The following FAM83B variants were observed in gnomAD, a reference collection of about 807,000 sequenced individuals.
The protein encoded by FAM83B is protein FAM83B.
A neutral mutation model predicts 38.8 loss-of-function variants in FAM83B; 26 were observed. The ratio of observed to expected loss-of-function variants is 0.67; its 90% CI spans 0.49 to 0.93. The LOEUF is 0.93. Ranked by LOEUF, FAM83B falls within the 40% of genes least tolerant of loss-of-function variation. The pLI, the probability that FAM83B is intolerant of heterozygous loss-of-function variation, is 0.00. For missense variants in FAM83B, 1,237 were observed against 1,197.3 expected (o/e 1.03, Z -0.49); for synonymous variants, 419 against 423.1 (o/e 0.99, Z 0.12).
At chr6:54,889,416 C>T (rs1047307380) in intron 2 of FAM83B, among the ~76,000 whole-genome samples, 1 of 152,030 alleles carries the variant, frequency 6.6e-6, no homozygotes, top group African/African-American at 2.4e-5. Flanking sequence ...AAGCTACATA[C>T]GATAAATCCC....
intron 1 of FAM83B, among the ~76,000 whole-genome samples, chr6:54,867,764 G>T (rs956932279): frequency 1.3e-5 from 2 of 152,052 alleles, no homozygotes; most frequent in Non-Finnish European, 2.9e-5. Context: ...GTGTAGCTCA[G>T]AAATAGGTAG....
At chr6:54,917,710 CAATT>C (rs1247244298) in intron 2 of FAM83B, among the ~76,000 whole-genome samples, 1 of 151,870 alleles carries the variant, frequency 6.6e-6, no homozygotes. Flanking sequence ...TGAAAATGAC[CAATT>C]ACACATTCGG....
chr6:54,939,698 T>C lies in FAM83B; in HGVS notation c.735-8T>C. The C allele has an allele frequency of 6.4e-7, 1 of 1,551,050 alleles. No homozygotes were observed. Among genetic ancestry groups the C allele is most frequent in the South Asian group, 1.2e-5 (1 of 81,300 alleles). On this transcript the variant is annotated splice_region_variant and splice_polypyrimidine_tract_variant and intron_variant, in intron 4 of 4. Coordinates refer to ENST00000306858, the MANE Select transcript of FAM83B (RefSeq NM_001010872.3). ...AAATGATTAAAATTTTTCCATTTTT[T>C]TCCCCAGTTATATGTGGTCATTTGA...
intron 4 of FAM83B, among the ~76,000 whole-genome samples, chr6:54,938,973 C>T (rs1773591653): frequency 6.6e-6 from 1 of 152,054 alleles, no homozygotes; most frequent in Non-Finnish European, 1.5e-5. Context: ...ATGTTATCAT[C>T]TAGAATTGTT....
chr6:54,912,767 G>A (rs1196725978), intron 2 of FAM83B, among the ~76,000 whole-genome samples: 1 of 151,834 alleles, frequency 6.6e-6, no homozygotes, highest in African/African-American at 2.4e-5. Context: ...TACCACCAAA[G>A]GTATGCTGTC....
chr6:54,892,206 C>A (rs900461693), intron 2 of FAM83B, among the ~76,000 whole-genome samples: 1 of 152,174 alleles, frequency 6.6e-6, no homozygotes. Context: ...GAAGCCCTCA[C>A]TTCATCCAAC....
At chr6:54,917,854 A>G (rs2064432) in intron 2 of FAM83B, among the ~76,000 whole-genome samples, 46,833 of 152,006 alleles carry the variant, frequency 0.31, 8,836 homozygotes, top group East Asian at 0.8. Flanking sequence ...TGCCTTACGT[A>G]TCCACCCGAA....
At chr6:54,937,243 T>C (rs1455154554) in intron 4 of FAM83B, among the ~76,000 whole-genome samples, 3 of 151,816 alleles carry the variant, frequency 2.0e-5, no homozygotes, top group Admixed American at 6.6e-5. Flanking sequence ...GTATATTAAA[T>C]CACTAGATTT....
intron 2 of FAM83B, among the ~76,000 whole-genome samples, chr6:54,922,093 A>G (rs534399653): frequency 9.9e-5 from 15 of 152,114 alleles, no homozygotes; most frequent in African/African-American, 3.6e-4. Flanking sequence ...TTATTTTGTC[A>G]TGCAAGAAAG....
At position 54,939,761 on chromosome 6, in the gene FAM83B, C is replaced by T. The variant is rs1773612965; in HGVS notation, c.790C>T (p.Gln264Ter). ...HLSMVQIITG[Q>*]LVESFDEEFR... ...CAGCATGGTTCAGATAATTACAGGA[C>T]AACTTGTTGAGTCCTTTGATGAAGA... Residue 264 changes from glutamine to a stop codon, truncating the protein, a stop_gained, in exon 5 of 5, where the codon CAA becomes TAA. Coordinates refer to ENST00000306858, the MANE Select transcript of FAM83B (RefSeq NM_001010872.3). LOFTEE classifies it low-confidence loss of function (END_TRUNC). The T allele has an allele frequency of 1.2e-6, 2 of 1,613,506 alleles. No homozygotes were observed. Among genetic ancestry groups the T allele is most frequent in the African/African-American group, 2.7e-5 (2 of 74,862 alleles).
chr6:54,865,568 A>G (rs796400477), intron 1 of FAM83B, among the ~76,000 whole-genome samples: 4 of 152,340 alleles, frequency 2.6e-5, no homozygotes, highest in African/African-American at 7.2e-5. Flanking sequence ...AAACAGCTTA[A>G]GAGAGAGACT....
intron 1 of FAM83B, among the ~76,000 whole-genome samples, chr6:54,854,297 C>T (rs1195615395): frequency 6.6e-6 from 1 of 152,152 alleles, no homozygotes; most frequent in Non-Finnish European, 1.5e-5. Context: ...AGAAGATTGA[C>T]TCTAATTTTG....
intron 1 of FAM83B, among the ~76,000 whole-genome samples, chr6:54,852,270 A>G (rs1457851992): frequency 6.6e-6 from 1 of 152,168 alleles, no homozygotes; most frequent in Non-Finnish European, 1.5e-5. Flanking sequence ...CAAGTCTGTC[A>G]GTGCCATTTT....
chr6:54,849,585 G>A (rs1200062136), intron 1 of FAM83B, among the ~76,000 whole-genome samples: 1 of 151,966 alleles, frequency 6.6e-6, no homozygotes, highest in Non-Finnish European at 1.5e-5. Context: ...GAGCCTTGGT[G>A]GAGAGATGAT....
intron 2 of FAM83B, among the ~76,000 whole-genome samples, chr6:54,921,349 A>G (rs1773162263): frequency 6.6e-6 from 1 of 151,902 alleles, no homozygotes; most frequent in African/African-American, 2.4e-5. Context: ...TGTAATATAT[A>G]CTGTAGGTGT....
intron 2 of FAM83B, among the ~76,000 whole-genome samples, chr6:54,881,773 T>G (rs1166076682): frequency 6.6e-6 from 1 of 152,192 alleles, no homozygotes; most frequent in Admixed American, 6.5e-5. Context: ...TTATTTATTT[T>G]TATTATTTTA....
intron 4 of FAM83B, among the ~76,000 whole-genome samples, chr6:54,934,594 T>C (rs1773490065): frequency 6.6e-6 from 1 of 152,126 alleles, no homozygotes; most frequent in Non-Finnish European, 1.5e-5. Context: ...GAAAGAGAGC[T>C]GAGGGTCTGA....
At chr6:54,919,854 C>T (rs9367597) in intron 2 of FAM83B, among the ~76,000 whole-genome samples, 46,556 of 151,522 alleles carry the variant, frequency 0.31, 8,753 homozygotes, top group East Asian at 0.8. Flanking sequence ...CTTTTGGAAC[C>T]GGGTACATGC....
Position 54,941,239 on chromosome 6 carries a change from T to C in FAM83B, c.2268T>C (p.Ala756=), listed in dbSNP as rs760865751. 9.3e-6 allele frequency: 15 copies of C among 1,613,298 alleles called. No individual in the cohort carries two copies. The highest frequency in any genetic ancestry group is 1.3e-5 in the Non-Finnish European group (15 of 1,179,844). Residue 756 remains alanine (A), a synonymous_variant, in exon 5 of 5, where the codon GCT becomes GCC. Transcript: ENST00000306858. Reference sequence around the variant, plus strand: ...AAGAGGAATCTAACAAAGAACTTGCTTCAAAGAAGGAAGTTAAGGGTTCCC... The same window carrying C: ...AAGAGGAATCTAACAAAGAACTTGCCTCAAAGAAGGAAGTTAAGGGTTCCC... ...VNKEESNKEL[A]SKKEVKGSPS... is the part of the protein sequence containing the mutation.
Sources: allele counts gnomAD v4.1 joint callset (sites outside exome capture counted in the v4.1 genomes callset), GRCh38; gene constraint gnomAD v4.1.1; transcripts MANE v1.5; gene names NCBI Gene and HGNC (gene_info 2026-07-23, HGNC 2026-07-21).